The following DIXDC1 variants were observed in gnomAD, a reference collection of about 807,000 sequenced individuals.
DIXDC1 encodes the protein DIX domain containing 1, also known as dixin.
DIXDC1 carries 64 observed loss-of-function variants against 103.1 expected under a neutral mutation model. The ratio of observed to expected loss-of-function variants is 0.62; its 90% confidence interval spans 0.51 to 0.76. The LOEUF (loss-of-function observed/expected upper bound fraction) is 0.76, where lower values mean the gene tolerates loss of function less well. Ranked by LOEUF, DIXDC1 falls within the 30% of genes least tolerant of loss-of-function variation. The pLI, the probability that DIXDC1 is intolerant of heterozygous loss-of-function variation, is 0.00. For missense variants in DIXDC1, 759 were observed against 834.2 expected (o/e 0.91, Z 1.11); for synonymous variants, 266 against 298.5 (o/e 0.89, Z 1.12).
chr11:112,006,515 T>C (rs1032899167), intron 17 of DIXDC1, among the ~76,000 whole-genome samples: 3 of 152,210 alleles, frequency 2.0e-5, no homozygotes. Context: ...GTAGCCTAAC[T>C]GGGAGACACC....
At chr11:111,934,889 G>A (rs1259977019), upstream of DIXDC1, among the ~76,000 whole-genome samples, 2 of 152,144 alleles carry the variant, frequency 1.3e-5, no homozygotes, top group African/African-American at 2.4e-5. Flanking sequence ...TTTTGAAATT[G>A]TACTATTTAA....
At chr11:111,985,162 A>C (rs1280638591) in intron 7 of DIXDC1, 70 bp from the exon 8 acceptor site, 1 of 1,260,238 alleles carries the variant, frequency 7.9e-7, no homozygotes, top group Non-Finnish European at 1.1e-6. Context: ...GGGTGAGCTT[A>C]CCAAGTTCAA....
upstream of DIXDC1, chr11:111,937,293 G>C (rs1271443873): frequency 2.3e-6 from 3 of 1,326,214 alleles, no homozygotes; most frequent in African/African-American, 4.6e-5. Context: ...CGACCGCGCC[G>C]GGCCCCTCCA....
At chr11:111,982,787 T>C (rs1290966515) in intron 7 of DIXDC1, among the ~76,000 whole-genome samples, 3 of 152,252 alleles carry the variant, frequency 2.0e-5, no homozygotes, top group Non-Finnish European at 4.4e-5. Flanking sequence ...CTACCCTGTA[T>C]GTGGCTGCAG....
intron 1 of DIXDC1, 122 bp from the exon 2 acceptor site, chr11:111,964,427 C>A: frequency 3.6e-6 from 4 of 1,111,390 alleles, no homozygotes; most frequent in South Asian, 1.5e-5. Context: ...TCAAAAATTT[C>A]TCCTGCTTCT....
At chr11:112,011,917 C>T (rs138720396) in intron 17 of DIXDC1, among the ~76,000 whole-genome samples, 34 of 152,132 alleles carry the variant, frequency 2.2e-4, no homozygotes, top group African/African-American at 7.0e-4. Context: ...CAAACCTGCA[C>T]GTTGTGCACA....
chr11:112,013,598 A>G (rs1861498149), intron 17 of DIXDC1, among the ~76,000 whole-genome samples: 1 of 152,102 alleles, frequency 6.6e-6, no homozygotes, highest in Non-Finnish European at 1.5e-5. Context: ...CCCAGGTTGT[A>G]AATCTCAGTC....
chr11:112,006,524 C>T (rs953208275), intron 17 of DIXDC1, among the ~76,000 whole-genome samples: 1 of 152,222 alleles, frequency 6.6e-6, no homozygotes, highest in Non-Finnish European at 1.5e-5. Context: ...CTGGGAGACA[C>T]CTCCCAGTAG....
chr11:112,015,294 C>T (rs1428837926), intron 17 of DIXDC1: 1 of 152,178 alleles, frequency 6.6e-6, no homozygotes, highest in Non-Finnish European at 1.5e-5. Context: ...CCTTCATATT[C>T]CTTATTTTAA....
intron 1 of DIXDC1, among the ~76,000 whole-genome samples, chr11:111,953,588 A>G (rs1966853096): frequency 6.6e-6 from 1 of 152,198 alleles, no homozygotes; most frequent in Admixed American, 6.5e-5. Context: ...TAGTGAGCCA[A>G]GATCACACCA....
Position 111,977,220 on chromosome 11 carries a change from T to C in DIXDC1, c.656+2237T>C. On this transcript the variant is annotated intron_variant, in intron 5 of 19. Transcript: ENST00000440460. The surrounding 1 kb of genome is among the most constrained non-coding windows in gnomAD (Gnocchi z 6.1). Reference sequence around the variant, plus strand: ...CTCAACCTCCGTCCAGAGCGGTCGGTTGGCCAGCGGAGCTGGCTTGGGTCG... The same window carrying C: ...CTCAACCTCCGTCCAGAGCGGTCGGCTGGCCAGCGGAGCTGGCTTGGGTCG... 1 of 939,508 alleles carries C rather than the reference T, an allele frequency of 1.1e-6. No homozygotes were observed. The highest frequency in any genetic ancestry group is 1.3e-6 in the Non-Finnish European group (1 of 790,840). The allele number at this position is 939,508 out of a possible 1,614,324, so 58.2% of individuals were successfully genotyped here. A position where few individuals can be genotyped will look rare whatever the true frequency, so the allele number is the denominator to read the frequency against.
At chr11:111,990,941 G>A (rs587650931) in intron 10 of DIXDC1, among the ~76,000 whole-genome samples, 3 of 152,134 alleles carry the variant, frequency 2.0e-5, no homozygotes, top group Non-Finnish European at 2.9e-5. Flanking sequence ...TCCTGACCTC[G>A]TGATCCGCCT....
chr11:111,953,403 G>A (rs1049856355), intron 1 of DIXDC1, among the ~76,000 whole-genome samples: 1 of 152,146 alleles, frequency 6.6e-6, no homozygotes. Flanking sequence ...TTGGGAGGCC[G>A]AGGTGGGCGG....
chr11:111,964,641 G>A lies in DIXDC1; in HGVS notation c.153G>A (p.Arg51=), dbSNP rs782687704. The A allele has an allele frequency of 1.5e-5, 24 of 1,612,320 alleles. No individual in the cohort carries two copies. Among genetic ancestry groups the A allele is most frequent in the Non-Finnish European group, 2.0e-5 (23 of 1,179,320 alleles). The change falls in exon 2 of 20, where the codon CGG becomes CGA. Residue 51 remains arginine (R), a synonymous_variant. Transcript: ENST00000440460. ...KPVQDLRQDL[R]DGVILAYLIE... is the part of the protein sequence containing the mutation. ...TGCAGGACCTGCGACAAGATCTCCG[G>A]GATGGGGTGATCCTGGCATATCTCA...
At chr11:111,932,442 C>A (rs782384692), upstream of DIXDC1, among the ~76,000 whole-genome samples, 1 of 150,832 alleles carries the variant, frequency 6.6e-6, no homozygotes, top group African/African-American at 2.4e-5. Context: ...GAAAATTAGC[C>A]GGGCGTGGTG....
intron 3 of DIXDC1, among the ~76,000 whole-genome samples, chr11:111,969,716 C>A (rs781807054): frequency 2.0e-5 from 3 of 152,140 alleles, no homozygotes; most frequent in Non-Finnish European, 4.4e-5. Context: ...ACAATAGGGG[C>A]AGAACGGCTC....
intron 1 of DIXDC1, among the ~76,000 whole-genome samples, chr11:111,948,868 A>C (rs1966685714): frequency 6.6e-6 from 1 of 152,170 alleles, no homozygotes; most frequent in African/African-American, 2.4e-5. Context: ...CTCTTCTCTG[A>C]AACTTTGATG....
chr11:111,935,626 A>ATGCTTC (rs1240989446), upstream of DIXDC1, among the ~76,000 whole-genome samples: 1 of 152,214 alleles, frequency 6.6e-6, no homozygotes, highest in Non-Finnish European at 1.5e-5. Flanking sequence ...TGGAAATTTC[A>ATGCTTC]TGCTTCTCTT....
intron 10 of DIXDC1, 98 bp from the exon 11 acceptor site, chr11:111,992,317 C>T (rs1415294642): frequency 1.5e-5 from 16 of 1,099,596 alleles, no homozygotes; most frequent in Non-Finnish European, 2.0e-5. Flanking sequence ...TCTGCCATAA[C>T]GAATGCTGGA....
Sources: allele counts gnomAD v4.1 joint callset (sites outside exome capture counted in the v4.1 genomes callset), GRCh38; gene constraint gnomAD v4.1.1; non-coding constraint Gnocchi (gnomAD v3.1); transcripts MANE v1.5; gene names NCBI Gene and HGNC (gene_info 2026-07-23, HGNC 2026-07-21).